The following CRISP2 variants were observed in gnomAD, a reference collection of about 807,000 sequenced individuals.
CRISP2 encodes cysteine-rich secretory protein 2.
In CRISP2, 29 loss-of-function variants were observed where a neutral mutation model predicts 31.7. The ratio of observed to expected loss-of-function variants is 0.92; its 90% CI spans 0.68 to 1.25. The LOEUF is 1.25. CRISP2 is among the 50% of genes most tolerant of loss of function. CRISP2 has a pLI of 0.00. For missense variants in CRISP2, 318 were observed against 286.5 expected, an observed-to-expected ratio of 1.11 and a Z score of -0.79; for synonymous variants, 111 against 101.4, an observed-to-expected ratio of 1.09 and a Z score of -0.57.
intron 4 of CRISP2, among the ~76,000 whole-genome samples, chr6:49,701,898 T>C (rs1388059319): frequency 1.9e-5 from 1 of 51,770 alleles, no homozygotes; most frequent in Non-Finnish European, 3.3e-5. Context: ...TATATTATTA[T>C]ATATTATGTA....
At chr6:49,694,463 A>G (rs1323831723) in intron 9 of CRISP2, among the ~76,000 whole-genome samples, 4 of 152,116 alleles carry the variant, frequency 2.6e-5, no homozygotes, top group Non-Finnish European at 4.4e-5. Flanking sequence ...CTGCATACCA[A>G]TCTGGATTTA....
chr6:49,688,702 T>C (rs192337781), downstream of CRISP2, among the ~76,000 whole-genome samples: 4 of 152,298 alleles, frequency 2.6e-5, no homozygotes, highest in Admixed American at 2.6e-4. Flanking sequence ...TACATTACCT[T>C]ATTTCCACAA....
chr6:49,696,755 G>T (rs1423270061), intron 8 of CRISP2, among the ~76,000 whole-genome samples: 1 of 152,052 alleles, frequency 6.6e-6, no homozygotes, highest in Non-Finnish European at 1.5e-5. Flanking sequence ...TAGACCAAGT[G>T]GGGTAAGGAC....
intron 6 of CRISP2, among the ~76,000 whole-genome samples, chr6:49,698,713 C>G (rs1457632299): frequency 6.6e-6 from 1 of 152,082 alleles, no homozygotes; most frequent in Non-Finnish European, 1.5e-5. Flanking sequence ...GTTGGCCTGA[C>G]CACATAAAAC....
rs1765047382 is a variant in CRISP2, at chr6:49,697,931, T to C, written c.444A>G (p.Val148=). 9 of 1,608,620 alleles carry C rather than the reference T, an allele frequency of 5.6e-6. No homozygotes were observed. Among genetic ancestry groups the C allele is most frequent in the Admixed American group, 1.7e-5 (1 of 59,304 alleles). ...TQLVWYSTYQ[V]GCGIAYCPNQ... is the part of the protein sequence containing the mutation. Reference sequence around the variant, plus strand: ...TGGGACAGTAGGCAATTCCACAGCCTACCTGGTAAGTCGAGTACCAAACAA... The same window carrying C: ...TGGGACAGTAGGCAATTCCACAGCCCACCTGGTAAGTCGAGTACCAAACAA... The change falls in exon 8 of 10, where the codon GTA becomes GTG. Residue 148 remains valine (V), a synonymous_variant. Coordinates refer to ENST00000339139, the MANE Select transcript of CRISP2 (RefSeq NM_003296.4).
chr6:49,694,266 C>T (rs1405779744), intron 9 of CRISP2, among the ~76,000 whole-genome samples: 6 of 152,180 alleles, frequency 3.9e-5, no homozygotes, highest in Non-Finnish European at 8.8e-5. Flanking sequence ...GACTCTCAGA[C>T]CAGGACAGAA....
At chr6:49,683,677 A>T in the CRISP2 span, among the ~76,000 whole-genome samples, 1 of 37,714 alleles carries the variant, frequency 2.7e-5, no homozygotes, top group Non-Finnish European at 5.3e-5. Context: ...AAAAAAAAAA[A>T]AAAAAAAAAA....
Position 49,701,860 on chromosome 6 carries a change from A to G in CRISP2, c.67-1076T>C, listed in dbSNP as rs191728814. ...TAATAATATATATTATATAATATAT[A>G]TTATTATATATTATGTATTATATAT... On this transcript the variant is annotated intron_variant, in intron 4 of 9. Transcript: ENST00000339139. Among the ~76,000 whole-genome samples the G allele has an allele frequency of 5.5e-3, 563 of 102,042 alleles. 4 individuals are homozygous for G. Among genetic ancestry groups the G allele is most frequent in the African/African-American group, 0.02 (513 of 25,418 alleles). 66.9% of individuals were successfully genotyped at this position (102,042 alleles called of 152,430 possible). A position where few individuals can be genotyped will look rare whatever the true frequency, so the allele number is the denominator to read the frequency against.
intron 4 of CRISP2, among the ~76,000 whole-genome samples, chr6:49,705,290 G>A (rs1387927857): frequency 1.3e-5 from 2 of 152,030 alleles, no homozygotes; most frequent in African/African-American, 4.8e-5. Context: ...GGAAGTGGTG[G>A]AAAGCCAGAA....
At chr6:49,696,236 TA>T (rs5876124) in intron 8 of CRISP2, among the ~76,000 whole-genome samples, 39,013 of 151,982 alleles carry the variant, frequency 0.26, 5,176 homozygotes, top group East Asian at 0.47. Context: ...GTCAAATTAC[TA>T]AGGCAGTGTA....
chr6:49,710,511 C>T (rs1767823389), intron 3 of CRISP2, among the ~76,000 whole-genome samples: 1 of 152,054 alleles, frequency 6.6e-6, no homozygotes, highest in Non-Finnish European at 1.5e-5. Context: ...AATGGAGACC[C>T]TTTATTTTTA....
At chr6:49,680,623 T>A in the CRISP2 span, among the ~76,000 whole-genome samples, 1 of 152,198 alleles carries the variant, frequency 6.6e-6, no homozygotes, top group African/African-American at 2.4e-5. Context: ...TCACCAACAG[T>A]GTATAAGCAT....
chr6:49,700,611 C>G, intron 5 of CRISP2, 57 bp downstream of exon 5: 2 of 1,026,216 alleles, frequency 1.9e-6, no homozygotes, highest in Non-Finnish European at 3.0e-6. Context: ...CAGTGGCCAG[C>G]CGTCGGCTCC....
At chr6:49,698,067 C>T (rs935529071) in intron 7 of CRISP2, 110 bp from the exon 8 acceptor site, 70 of 833,556 alleles carry the variant, frequency 8.4e-5, no homozygotes, top group Non-Finnish European at 1.1e-4. Flanking sequence ...TAGACATATA[C>T]CATAAAAATA....
the CRISP2 span, among the ~76,000 whole-genome samples, chr6:49,677,436 C>T: frequency 6.6e-6 from 1 of 152,078 alleles, no homozygotes; most frequent in Non-Finnish European, 1.5e-5. Flanking sequence ...GCTCTTATTC[C>T]TTCCTCCCAT....
chr6:49,698,548 A>T (rs370259865), intron 6 of CRISP2, 41 bp from the exon 7 acceptor site: 6 of 1,565,060 alleles, frequency 3.8e-6, no homozygotes, highest in Middle Eastern at 1.7e-4. Context: ...ATAAACATGC[A>T]ATGGTAAAAG....
chr6:49,688,055 C>T (rs997241267), downstream of CRISP2, among the ~76,000 whole-genome samples: 5 of 152,312 alleles, frequency 3.3e-5, no homozygotes, highest in African/African-American at 1.2e-4. Context: ...CTGTCTCAAT[C>T]ACTGGGCCAT....
At chr6:49,697,651 G>A (rs939951340) in intron 8 of CRISP2, 18 of 1,359,238 alleles carry the variant, frequency 1.3e-5, no homozygotes, top group Non-Finnish European at 1.5e-5. Context: ...CTGTTAATGA[G>A]GAATGAGAGC....
chr6:49,712,318 T>A (rs1254965781), intron 2 of CRISP2, among the ~76,000 whole-genome samples, 183 bp downstream of exon 2: 1 of 152,222 alleles, frequency 6.6e-6, no homozygotes, highest in African/African-American at 2.4e-5. Flanking sequence ...TTCTCTCTCA[T>A]AACCTCAACC....
Sources: gnomAD v4.1 joint callset for allele counts (sites outside exome capture counted in the v4.1 genomes callset) on GRCh38, gnomAD v4.1.1 for gene constraint, MANE v1.5 for transcripts, NCBI Gene and HGNC (gene_info 2026-07-23, HGNC 2026-07-21) for gene names.